RAB38: variants seen among roughly 807,000 people sequenced by gnomAD.
RAB38 encodes the protein ras-related protein Rab-38.
RAB38 carries 15 observed loss-of-function variants against 18.4 expected under a neutral mutation model. That is an observed-to-expected ratio of 0.82 (90% CI 0.55 to 1.26). The LOEUF (loss-of-function observed/expected upper bound fraction) is 1.26, where lower values mean the gene tolerates loss of function less well. Among genes scored for constraint, RAB38 ranks in the 50% most tolerant of loss-of-function variants. The probability of loss-of-function intolerance (pLI) is 0.00; values close to 1 mark genes in which losing one functional copy is unlikely to be tolerated. For missense variants in RAB38, 294 were observed against 267.4 expected, an observed-to-expected ratio of 1.10 and a Z score of -0.69; for synonymous variants, 101 against 104.4, an observed-to-expected ratio of 0.97 and a Z score of 0.20.
chr11:88,066,426 C>T, the RAB38 span, among the ~76,000 whole-genome samples: 2 of 152,248 alleles, frequency 1.3e-5, no homozygotes, highest in East Asian at 3.9e-4. Context: ...ACAACTCTAT[C>T]TCCAATGAAA....
At chr11:88,106,182 CAGAG>C in the RAB38 span, among the ~76,000 whole-genome samples, 3 of 82,338 alleles carry the variant, frequency 3.6e-5, no homozygotes, top group Admixed American at 1.4e-4. Context: ...ACAGCTATCA[CAGAG>C]AGAAAAAAAA....
At chr11:87,957,864 A>C in the RAB38 span, among the ~76,000 whole-genome samples, 2 of 152,228 alleles carry the variant, frequency 1.3e-5, no homozygotes. Context: ...CTTCCTAACG[A>C]AATACTCAGC....
At chr11:87,967,484 A>AG in the RAB38 span, among the ~76,000 whole-genome samples, 6 of 152,340 alleles carry the variant, frequency 3.9e-5, no homozygotes, top group Non-Finnish European at 7.3e-5. Context: ...AAGTAAAAAA[A>AG]CAAGACTATC....
At chr11:88,045,841 C>T in the RAB38 span, among the ~76,000 whole-genome samples, 1,952 of 152,246 alleles carry the variant, frequency 0.013, 21 homozygotes, top group Non-Finnish European at 0.019. Flanking sequence ...TATTGACGGC[C>T]AGGCTTCTAA....
the RAB38 span, among the ~76,000 whole-genome samples, chr11:87,866,356 C>T: frequency 6.6e-6 from 1 of 151,748 alleles, no homozygotes; most frequent in African/African-American, 2.4e-5. Flanking sequence ...TGGGCAATAT[C>T]TTTCCAATAG....
chr11:88,162,081 G>A (rs1565220801), intron 1 of RAB38, among the ~76,000 whole-genome samples: 1 of 152,116 alleles, frequency 6.6e-6, no homozygotes. Flanking sequence ...GCTTGTGCTG[G>A]TTTTGAAAGC....
At chr11:88,127,655 G>A (rs925052327) in intron 2 of RAB38, among the ~76,000 whole-genome samples, 4 of 152,088 alleles carry the variant, frequency 2.6e-5, no homozygotes, top group Non-Finnish European at 4.4e-5. Flanking sequence ...TGAAATACAT[G>A]TGTTTTCTAA....
chr11:87,878,439 G>T, the RAB38 span, among the ~76,000 whole-genome samples: 6 of 150,974 alleles, frequency 4.0e-5, no homozygotes, highest in Non-Finnish European at 5.9e-5. Context: ...TCAGAAAACA[G>T]CAGAGGGCAG....
the RAB38 span, among the ~76,000 whole-genome samples, chr11:87,904,802 G>T: frequency 6.6e-6 from 1 of 151,828 alleles, no homozygotes; most frequent in Admixed American, 6.6e-5. Context: ...GTGTCTCACT[G>T]TAGTTTTGAT....
chr11:88,028,709 C>T, the RAB38 span, among the ~76,000 whole-genome samples: 17 of 150,428 alleles, frequency 1.1e-4, no homozygotes, highest in South Asian at 2.1e-4. Flanking sequence ...AACAAAGCCT[C>T]CAAGAAATAT....
At chr11:88,028,987 G>A in the RAB38 span, among the ~76,000 whole-genome samples, 84 of 152,178 alleles carry the variant, frequency 5.5e-4, no homozygotes, top group African/African-American at 1.9e-3. Context: ...GAGAAAGGTC[G>A]GGTTACCCTC....
the RAB38 span, among the ~76,000 whole-genome samples, chr11:87,889,607 C>G: frequency 2.6e-5 from 4 of 151,838 alleles, no homozygotes; most frequent in African/African-American, 9.7e-5. Context: ...CTTAACATCT[C>G]TACAACAAAG....
chr11:88,133,606 G>A (rs937734021), intron 2 of RAB38, among the ~76,000 whole-genome samples: 2 of 152,172 alleles, frequency 1.3e-5, no homozygotes, highest in African/African-American at 4.8e-5. Context: ...ACAGAATAGA[G>A]GGGGATAATT....
At chr11:87,949,187 A>C in the RAB38 span, among the ~76,000 whole-genome samples, 1 of 152,236 alleles carries the variant, frequency 6.6e-6, no homozygotes, top group East Asian at 1.9e-4. Context: ...AGAGGTGTTT[A>C]TAGTATTCTC....
the RAB38 span, among the ~76,000 whole-genome samples, chr11:88,072,806 GA>G: frequency 3.9e-4 from 58 of 148,124 alleles, no homozygotes; most frequent in African/African-American, 6.7e-4. Context: ...TCAAAAAGTA[GA>G]AAAAAAAAAG....
chr11:87,863,309 T>C, the RAB38 span, among the ~76,000 whole-genome samples: 1 of 151,856 alleles, frequency 6.6e-6, no homozygotes, highest in Non-Finnish European at 1.5e-5. Context: ...GGATTAAAGA[T>C]AATAACATAC....
At chr11:87,873,861 GGTGT>G in the RAB38 span, among the ~76,000 whole-genome samples, 2 of 139,524 alleles carry the variant, frequency 1.4e-5, no homozygotes, top group African/African-American at 5.3e-5. Flanking sequence ...AGTGTATAGG[GGTGT>G]GTGTGTGTGT....
chr11:87,866,790 A>C, the RAB38 span, among the ~76,000 whole-genome samples: 1 of 151,774 alleles, frequency 6.6e-6, no homozygotes, highest in Admixed American at 6.6e-5. Context: ...TGACTTCGAC[A>C]TGCCCAGAAT....
chr11:88,045,840 C>T, the RAB38 span, among the ~76,000 whole-genome samples: 1 of 152,100 alleles, frequency 6.6e-6, no homozygotes, highest in Admixed American at 6.5e-5. Context: ...GTATTGACGG[C>T]CAGGCTTCTA....
Sources: gnomAD v4.1 joint callset for allele counts (sites outside exome capture counted in the v4.1 genomes callset) on GRCh38, gnomAD v4.1.1 for gene constraint, MANE v1.5 for transcripts, NCBI Gene and HGNC (gene_info 2026-07-23, HGNC 2026-07-21) for gene names.